NARS2: variants seen among roughly 807,000 people sequenced by gnomAD.
NARS2 encodes asparaginyl-tRNA synthetase.
NARS2 carries 60 observed loss-of-function variants against 62.9 expected under a neutral mutation model. That is an observed-to-expected ratio of 0.95 (90% CI 0.77 to 1.18). The LOEUF is 1.18. NARS2 is among the 50% of genes most tolerant of loss of function. NARS2 has a pLI of 0.00. For synonymous variants in NARS2, 196 were observed against 200.0 expected (o/e 0.98, Z 0.17); for missense variants, 619 against 576.4 (o/e 1.07, Z -0.76).
intron 5 of NARS2, among the ~76,000 whole-genome samples, chr11:78,554,229 G>A (rs1856243208): frequency 6.6e-6 from 1 of 151,934 alleles, no homozygotes; most frequent in Non-Finnish European, 1.5e-5. Flanking sequence ...TTGGCTATCT[G>A]GGCTATCTTG....
At chr11:78,561,789 G>C (rs1253177488) in intron 4 of NARS2, among the ~76,000 whole-genome samples, 1 of 152,238 alleles carries the variant, frequency 6.6e-6, no homozygotes, top group East Asian at 1.9e-4. Context: ...GCCAGGAGCA[G>C]TGTCTCACGC....
At position 78,436,453 on chromosome 11, in the gene NARS2, ATAAG is replaced by A; in HGVS notation, c.*213_*216del. On this transcript the variant is annotated 3_prime_UTR_variant, in exon 14 of 14. Transcript: ENST00000281038. Reference sequence around the variant, plus strand: ...TAATGGATTTGAGAGTCCCCTTGCTATAAGTACCTCTTCTTGCGGGAGCTCATCC... The same window carrying A: ...TAATGGATTTGAGAGTCCCCTTGCTATACCTCTTCTTGCGGGAGCTCATCC... 1 of 514,754 alleles carries A rather than the reference ATAAG, an allele frequency of 1.9e-6. No individual in the cohort carries two copies. The allele number at this position is 514,754 out of a possible 1,614,324, so 31.9% of individuals were successfully genotyped here. A position where few individuals can be genotyped will look rare whatever the true frequency, so the allele number is the denominator to read the frequency against.
Position 78,559,633 on chromosome 11 carries a change from C to A in NARS2, c.514-14G>T. On this transcript the variant is annotated splice_polypyrimidine_tract_variant and intron_variant, in intron 4 of 13. Transcript: ENST00000281038. ...AAAGCCACTGTCCTGAAAAAGAAAA[C>A]CACTGTTTTCAGGATATTTGCACAT... 1.9e-6 allele frequency: 3 copies of A among 1,565,550 alleles called. No individual in the cohort carries two copies. The highest frequency in any genetic ancestry group is 1.4e-5 in the African/African-American group (1 of 73,954).
intron 6 of NARS2, among the ~76,000 whole-genome samples, chr11:78,500,980 T>C (rs971849496): frequency 1.3e-5 from 2 of 152,038 alleles, no homozygotes; most frequent in Admixed American, 6.5e-5. Flanking sequence ...TAGTCCCAGC[T>C]AGCTGGGAGG....
intron 4 of NARS2, among the ~76,000 whole-genome samples, chr11:78,560,767 T>C (rs1483929228): frequency 6.6e-6 from 1 of 152,240 alleles, no homozygotes; most frequent in East Asian, 1.9e-4. Flanking sequence ...AATGTACACT[T>C]AATCTGACAG....
In NARS2 at chr11:78,478,528, G is replaced by A. The variant is rs1859207549; in HGVS notation, c.922-53C>T. 3.9e-6 allele frequency: 5 copies of A among 1,280,284 alleles called. No homozygotes were observed. In the South Asian group the frequency reaches 7.1e-5, roughly 18 times the overall value. The allele number at this position is 1,280,284 out of a possible 1,614,324, so 79.3% of individuals were successfully genotyped here. Reference sequence around the variant, plus strand: ...TTAAAAATATAATTTTATTCATTATGTATAATTAACACATTAAACAGTAGA... The same window carrying A: ...TTAAAAATATAATTTTATTCATTATATATAATTAACACATTAAACAGTAGA... On this transcript the variant is annotated intron_variant, in intron 8 of 13. Coordinates refer to ENST00000281038, the MANE Select transcript of NARS2 (RefSeq NM_024678.6).
intron 7 of NARS2, among the ~76,000 whole-genome samples, chr11:78,484,110 G>C (rs1335033113): frequency 2.0e-5 from 3 of 152,058 alleles, no homozygotes; most frequent in Non-Finnish European, 4.4e-5. Flanking sequence ...TTTGATTTTT[G>C]ACAAACCTGA....
intron 6 of NARS2, among the ~76,000 whole-genome samples, chr11:78,519,114 A>C (rs1405440485): frequency 6.6e-6 from 1 of 152,226 alleles, no homozygotes; most frequent in African/African-American, 2.4e-5. Context: ...AGCAGATGGG[A>C]AGTCAGTTTC....
At chr11:78,492,406 G>C (rs1188823285) in intron 7 of NARS2, among the ~76,000 whole-genome samples, 3 of 152,088 alleles carry the variant, frequency 2.0e-5, no homozygotes, top group African/African-American at 7.2e-5. Context: ...CTGCTAAAAA[G>C]ATGTGCCTAA....
chr11:78,477,306 TGAAAAG>T (rs1859142103), intron 9 of NARS2, among the ~76,000 whole-genome samples: 3 of 152,232 alleles, frequency 2.0e-5, no homozygotes, highest in African/African-American at 7.2e-5. Flanking sequence ...GCTGGATATC[TGAAAAG>T]CATCTCAATC....
intron 6 of NARS2, among the ~76,000 whole-genome samples, chr11:78,516,386 C>G (rs970357148): frequency 1.3e-5 from 2 of 152,204 alleles, no homozygotes; most frequent in African/African-American, 4.8e-5. Flanking sequence ...ACATGAATGA[C>G]ATTTAAAAAT....
intron 11 of NARS2, among the ~76,000 whole-genome samples, chr11:78,445,052 A>T (rs1320265162): frequency 2.0e-5 from 3 of 152,204 alleles, no homozygotes; most frequent in African/African-American, 7.2e-5. Flanking sequence ...CTATTAGATA[A>T]GTTTTAGACA....
At chr11:78,441,692 C>CA (rs2135135893) in intron 12 of NARS2, among the ~76,000 whole-genome samples, 1 of 149,198 alleles carries the variant, frequency 6.7e-6, no homozygotes, top group South Asian at 2.1e-4. Flanking sequence ...GTCTGGACAA[C>CA]AGAGTGAGAC....
intron 11 of NARS2, among the ~76,000 whole-genome samples, chr11:78,465,057 G>T (rs540609349): frequency 6.6e-5 from 10 of 152,212 alleles, no homozygotes; most frequent in Non-Finnish European, 1.2e-4. Flanking sequence ...CGACACAGGA[G>T]CCCACGGAGG....
intron 3 of NARS2, among the ~76,000 whole-genome samples, chr11:78,566,568 C>G: frequency 6.6e-6 from 1 of 152,312 alleles, no homozygotes; most frequent in African/African-American, 2.4e-5. Flanking sequence ...TAGCTGTGAA[C>G]CACTTCCTAC....
intron 11 of NARS2, among the ~76,000 whole-genome samples, chr11:78,448,869 A>G (rs117368785): frequency 4.3e-4 from 65 of 152,310 alleles, no homozygotes; most frequent in Admixed American, 1.2e-3. Context: ...AAAACAAACA[A>G]AAGTCCTCTG....
rs975093382 is a variant in NARS2 at position 78,492,990 on chromosome 11, G to A, written c.822+73C>T. On this transcript the variant is annotated intron_variant, in intron 7 of 13. Coordinates refer to ENST00000281038, the MANE Select transcript of NARS2 (RefSeq NM_024678.6). ...TTATGAATACCTGTAACACATAAAC[G>A]TCCGAGGTAAAAATATATACAGAAA... 6 of 1,358,372 alleles carry A rather than the reference G, an allele frequency of 4.4e-6. No homozygotes were observed. The Admixed American group carries it at 6.5e-5, about 15-fold the overall frequency. The allele number at this position is 1,358,372 out of a possible 1,614,324, so 84.1% of individuals were successfully genotyped here. A position where few individuals can be genotyped will look rare whatever the true frequency, so the allele number is the denominator to read the frequency against.
intron 7 of NARS2, among the ~76,000 whole-genome samples, chr11:78,479,952 G>A (rs982831596): frequency 3.9e-5 from 6 of 152,148 alleles, no homozygotes; most frequent in Non-Finnish European, 8.8e-5. Context: ...AGGTTGGAGG[G>A]CAGTGGTATA....
intron 1 of NARS2, among the ~76,000 whole-genome samples, chr11:78,572,011 G>A (rs541807731): frequency 7.5e-4 from 114 of 152,118 alleles, no homozygotes; most frequent in African/African-American, 2.7e-3. Flanking sequence ...GTGAAACCCT[G>A]TCTCTACCGA....
Sources: gnomAD v4.1 joint callset for allele counts (sites outside exome capture counted in the v4.1 genomes callset) on GRCh38, gnomAD v4.1.1 for gene constraint, MANE v1.5 for transcripts, NCBI Gene and HGNC (gene_info 2026-07-23, HGNC 2026-07-21) for gene names.